Variants in CTTNBP2NL observed in about 807,000 individuals in gnomAD.
CTTNBP2NL encodes CTTNBP2 N-terminal like.
Under a neutral mutation model 32.5 loss-of-function variants are expected in CTTNBP2NL, and 16 were observed. That is an observed-to-expected ratio of 0.49 (90% confidence interval 0.33 to 0.75). The LOEUF (loss-of-function observed/expected upper bound fraction) is 0.75. Ranked by LOEUF, CTTNBP2NL falls within the 30% of genes least tolerant of loss-of-function variation. The pLI is 0.02. For synonymous variants in CTTNBP2NL, 298 were observed against 289.4 expected, an observed-to-expected ratio of 1.03 and a Z score of -0.30; for missense variants, 645 against 756.0, an observed-to-expected ratio of 0.85 and a Z score of 1.72.
rs116275718 is a variant in CTTNBP2NL at position 112,454,853 on chromosome 1, G to A, written c.438+297G>A. On this transcript the variant is annotated intron_variant, in intron 5 of 5. Coordinates refer to ENST00000271277, the MANE Select transcript of CTTNBP2NL (RefSeq NM_018704.3). Reference sequence around the variant, plus strand: ...CTCACTGTGGGATTATTATTGTTCCGTAGAACACTCTTTGGGGAATGGTAA... The same window carrying A: ...CTCACTGTGGGATTATTATTGTTCCATAGAACACTCTTTGGGGAATGGTAA... Among the ~76,000 whole-genome samples, 344 of 152,196 alleles carry A rather than the reference G, an allele frequency of 2.3e-3. 2 individuals are homozygous for A. The highest frequency in any genetic ancestry group is 7.8e-3 in the African/African-American group (322 of 41,524).
chr1:112,407,086 A>G (rs996567722), intron 1 of CTTNBP2NL, among the ~76,000 whole-genome samples: 1 of 152,354 alleles, frequency 6.6e-6, no homozygotes, highest in Non-Finnish European at 1.5e-5. Context: ...TTCCCAAACC[A>G]TTCTGTTTTA....
At chr1:112,420,228 C>T (rs1649185254) in intron 3 of CTTNBP2NL, among the ~76,000 whole-genome samples, 1 of 151,620 alleles carries the variant, frequency 6.6e-6, no homozygotes, top group African/African-American at 2.4e-5. Context: ...TCACTGCAGC[C>T]TCCGCCTCCT....
intron 3 of CTTNBP2NL, among the ~76,000 whole-genome samples, chr1:112,417,668 G>T (rs1649105366): frequency 6.6e-6 from 1 of 152,174 alleles, no homozygotes; most frequent in African/African-American, 2.4e-5. Context: ...TTAACTCTGT[G>T]CAGTTTAGGT....
chr1:112,425,936 C>G (rs1043984810), intron 3 of CTTNBP2NL, among the ~76,000 whole-genome samples: 2 of 146,456 alleles, frequency 1.4e-5, no homozygotes, highest in East Asian at 2.0e-4. Flanking sequence ...GTTTTACTTA[C>G]TTCTTTCTAA....
At chr1:112,395,744 G>A (rs1201684578), upstream of CTTNBP2NL, among the ~76,000 whole-genome samples, 1 of 151,730 alleles carries the variant, frequency 6.6e-6, no homozygotes, top group Non-Finnish European at 1.5e-5. Context: ...AAAAAAAAAA[G>A]GGAGCAAGGA....
At position 112,458,989 on chromosome 1, in the gene CTTNBP2NL, T is replaced by G. The variant is rs919462399; in HGVS notation, c.*1577T>G. 6.6e-6 allele frequency: 1 copy of G among 152,228 alleles called. No individual in the cohort carries two copies. The highest frequency in any genetic ancestry group is 1.5e-5 in the Non-Finnish European group (1 of 68,044). 9.4% of individuals were successfully genotyped at this position (152,228 alleles called of 1,614,324 possible). A position where few individuals can be genotyped will look rare whatever the true frequency, so the allele number is the denominator to read the frequency against. On this transcript the variant is annotated 3_prime_UTR_variant, in exon 6 of 6. Transcript: ENST00000271277. ...AGGGCATCTGTTCAGCTCCATCTGCTTGCTGCGGTGCAAGAATGCTAAACC... is the reference window on the plus strand; with the variant it reads ...AGGGCATCTGTTCAGCTCCATCTGCGTGCTGCGGTGCAAGAATGCTAAACC...
At chr1:112,450,007 A>G (rs1208072094) in intron 4 of CTTNBP2NL, among the ~76,000 whole-genome samples, 1 of 152,168 alleles carries the variant, frequency 6.6e-6, no homozygotes, top group Non-Finnish European at 1.5e-5. Flanking sequence ...CTTGGCTACA[A>G]TCTTCATTTT....
In CTTNBP2NL at chr1:112,420,123, AAT is replaced by A. The variant is rs1459494741; in HGVS notation, c.99+3862_99+3863del. On this transcript the variant is annotated intron_variant, in intron 3 of 5. Transcript: ENST00000271277. Reference sequence around the variant, plus strand: ...CAGTGACCATTTGTGGCCACATTTTAATATGTTTTTTAGAGTTGGAGTGGCTT... The same window carrying A: ...CAGTGACCATTTGTGGCCACATTTTAATGTTTTTTAGAGTTGGAGTGGCTT... 2.7e-5 allele frequency among the ~76,000 whole-genome samples: 4 copies of A among 150,474 alleles called. No individual in the cohort carries two copies. The East Asian group carries it at 7.8e-4, about 29-fold the overall frequency.
At chr1:112,407,907 T>A (rs1353343285) in intron 1 of CTTNBP2NL, among the ~76,000 whole-genome samples, 1 of 139,728 alleles carries the variant, frequency 7.2e-6, no homozygotes, top group Non-Finnish European at 1.5e-5. Flanking sequence ...TGCAGTGACG[T>A]AATCTTGCCT....
Position 112,449,140 on chromosome 1 carries a change from CAGCTGGCTGCTGCTG to C in CTTNBP2NL, c.301_315del (p.Leu101_Glu105del). Reference sequence around the variant, plus strand: ...GAACATGCAGGAGCGCATGCTGTCCCAGCTGGCTGCTGCTGAGAGCAGGCACCGAAAGGTAGGTTC... The same window carrying C: ...GAACATGCAGGAGCGCATGCTGTCCCAGAGCAGGCACCGAAAGGTAGGTTC... On this transcript the variant is annotated inframe_deletion, in exon 4 of 6. Transcript: ENST00000271277. 1 of 1,612,964 alleles carries C rather than the reference CAGCTGGCTGCTGCTG, an allele frequency of 6.2e-7. No individual in the cohort carries two copies. The highest frequency in any genetic ancestry group is 8.5e-7 in the Non-Finnish European group (1 of 1,179,024).
chr1:112,455,851 G>T (rs756743455), intron 5 of CTTNBP2NL, 80 bp from the exon 6 acceptor site: 1 of 1,026,588 alleles, frequency 9.7e-7, no homozygotes, highest in African/African-American at 1.6e-5. Context: ...TGTTAATCCT[G>T]TATACCAGAG....
At chr1:112,417,250 G>C (rs1013631788) in intron 3 of CTTNBP2NL, among the ~76,000 whole-genome samples, 5 of 152,174 alleles carry the variant, frequency 3.3e-5, no homozygotes, top group Admixed American at 3.3e-4. Context: ...TCAGCACCCA[G>C]CATAGTGCCA....
At chr1:112,411,133 T>C (rs1287779430) in intron 1 of CTTNBP2NL, among the ~76,000 whole-genome samples, 1 of 152,172 alleles carries the variant, frequency 6.6e-6, no homozygotes, top group Non-Finnish European at 1.5e-5. Flanking sequence ...GTATAACAAA[T>C]TCATACTTCC....
At chr1:112,455,909 T>C in intron 5 of CTTNBP2NL, 22 bp from the exon 6 acceptor site, 2 of 1,556,006 alleles carry the variant, frequency 1.3e-6, no homozygotes, top group Non-Finnish European at 1.7e-6. Context: ...TCAGTATGTC[T>C]CTCTTTTCTT....
intron 2 of CTTNBP2NL, among the ~76,000 whole-genome samples, chr1:112,412,736 C>T (rs1375785278): frequency 1.3e-5 from 2 of 151,240 alleles, no homozygotes; most frequent in Non-Finnish European, 2.9e-5. Flanking sequence ...CCTGCCTCAG[C>T]CTCCTGAGTA....
At chr1:112,447,570 T>G (rs1650087480) in intron 3 of CTTNBP2NL, among the ~76,000 whole-genome samples, 1 of 152,108 alleles carries the variant, frequency 6.6e-6, no homozygotes, top group Non-Finnish European at 1.5e-5. Flanking sequence ...ACCATAAGGC[T>G]AAGTGATTCC....
At chr1:112,451,250 C>T (rs893325568) in intron 4 of CTTNBP2NL, among the ~76,000 whole-genome samples, 6 of 151,552 alleles carry the variant, frequency 4.0e-5, no homozygotes, top group African/African-American at 1.2e-4. Flanking sequence ...ATTTAGTTAT[C>T]TTACACCCCG....
chr1:112,429,077 A>T (rs926363763), intron 3 of CTTNBP2NL, among the ~76,000 whole-genome samples: 2 of 152,194 alleles, frequency 1.3e-5, no homozygotes, highest in Admixed American at 6.5e-5. Context: ...ATAGCCCTCT[A>T]TGGTTTTCAG....
intron 5 of CTTNBP2NL, among the ~76,000 whole-genome samples, chr1:112,454,974 C>G (rs942605884): frequency 6.6e-6 from 1 of 152,112 alleles, no homozygotes; most frequent in Non-Finnish European, 1.5e-5. Context: ...TACACAGTTA[C>G]GCCTGAAACA....
Sources: gnomAD v4.1 joint callset for allele counts (sites outside exome capture counted in the v4.1 genomes callset) on GRCh38, gnomAD v4.1.1 for gene constraint, MANE v1.5 for transcripts, NCBI Gene and HGNC (gene_info 2026-07-23, HGNC 2026-07-21) for gene names.